INTS6: variants seen among roughly 807,000 people sequenced by gnomAD.
INTS6 encodes integrator complex subunit 6, also known as DEAD box protein.
A neutral mutation model predicts 104.9 loss-of-function variants in INTS6; 16 were observed. The ratio of observed to expected loss-of-function variants is 0.15; its 90% CI spans 0.10 to 0.23. The LOEUF (loss-of-function observed/expected upper bound fraction) is 0.23. INTS6 is among the 10% of genes least tolerant of loss of function. INTS6 has a pLI of 1.00. For synonymous variants in INTS6, 324 were observed against 358.7 expected, an observed-to-expected ratio of 0.90 and a Z score of 1.09; for missense variants, 584 against 1,062.8, an observed-to-expected ratio of 0.55 and a Z score of 6.26.
intron 3 of INTS6, chr13:51,438,854 T>C (rs1164106614): frequency 6.6e-6 from 1 of 152,238 alleles, no homozygotes; most frequent in African/African-American, 2.4e-5. Context: ...CCAAAAGCAC[T>C]GTACCTTGTC....
At chr13:51,376,883 A>T (rs1299887985) in intron 12 of INTS6, among the ~76,000 whole-genome samples, 2 of 152,150 alleles carry the variant, frequency 1.3e-5, no homozygotes, top group Admixed American at 6.5e-5. Flanking sequence ...TTGGACTGTT[A>T]CAAGTTTTTG....
rs200147250 is a variant in INTS6 at position 51,365,744 on chromosome 13, A to G, written c.*8T>C. ...ATAGTGAAATAAGTGGCCACATTCT[A>G]TTTTCTTTTAATTGCTATTAATATG... On this transcript the variant is annotated 3_prime_UTR_variant, in exon 18 of 18. Coordinates refer to ENST00000311234, the MANE Select transcript of INTS6 (RefSeq NM_012141.3). 4.8e-6 allele frequency: 7 copies of G among 1,455,192 alleles called. No individual in the cohort carries two copies. The highest frequency in any genetic ancestry group is 2.5e-5 in the South Asian group (2 of 80,880). The allele number at this position is 1,455,192 out of a possible 1,614,324, so 90.1% of individuals were successfully genotyped here. A position where few individuals can be genotyped will look rare whatever the true frequency, so the allele number is the denominator to read the frequency against.
At chr13:51,370,026 C>A (rs1390783205) in intron 15 of INTS6, among the ~76,000 whole-genome samples, 4 of 152,158 alleles carry the variant, frequency 2.6e-5, no homozygotes, top group Admixed American at 2.6e-4. Context: ...CAGCTGAATT[C>A]ATCTCTACTG....
At chr13:51,346,657 C>T in the INTS6 span, among the ~76,000 whole-genome samples, 6 of 152,216 alleles carry the variant, frequency 3.9e-5, no homozygotes, top group African/African-American at 1.2e-4. Flanking sequence ...CCCTCATCCC[C>T]CAGCAGGGGT....
intron 4 of INTS6, chr13:51,420,977 A>G: frequency 6.9e-6 from 2 of 291,136 alleles, no homozygotes; most frequent in Non-Finnish European, 1.0e-5. Context: ...AATCATCATC[A>G]ACCAATTTAT....
the INTS6 span, chr13:51,348,407 C>T: frequency 2.5e-6 from 4 of 1,612,774 alleles, no homozygotes; most frequent in Non-Finnish European, 3.4e-6. Flanking sequence ...TGTGTTCCTG[C>T]CCAGGTGAGC....
intron 10 of INTS6, among the ~76,000 whole-genome samples, chr13:51,380,462 C>T (rs1956024225): frequency 6.6e-6 from 1 of 152,152 alleles, no homozygotes; most frequent in Non-Finnish European, 1.5e-5. Flanking sequence ...GCTAAATCTT[C>T]AGGGTTGCTA....
chr13:51,358,074 A>G (rs940655762), downstream of INTS6, among the ~76,000 whole-genome samples: 3 of 151,950 alleles, frequency 2.0e-5, no homozygotes, highest in East Asian at 5.8e-4. Flanking sequence ...AAATGGAGAA[A>G]GCAACTAACC....
chr13:51,443,147 T>C (rs1268032424), intron 3 of INTS6: 1 of 152,218 alleles, frequency 6.6e-6, no homozygotes, highest in Non-Finnish European at 1.5e-5. Flanking sequence ...TCTCCATAAC[T>C]GTTCTATCAC....
At chr13:51,408,173 C>T (rs1431587276) in intron 4 of INTS6, among the ~76,000 whole-genome samples, 6 of 139,976 alleles carry the variant, frequency 4.3e-5, no homozygotes, top group Non-Finnish European at 7.7e-5. Context: ...AATGGAGTTT[C>T]GCTCTTGTTG....
intron 8 of INTS6, 60 bp from the exon 9 acceptor site, chr13:51,383,521 G>A: frequency 1.2e-6 from 2 of 1,604,024 alleles, no homozygotes; most frequent in Non-Finnish European, 1.7e-6. Context: ...ATAAACCATT[G>A]ATTCAATTCA....
intron 4 of INTS6, among the ~76,000 whole-genome samples, chr13:51,398,405 T>C (rs1260747648): frequency 6.6e-6 from 1 of 152,022 alleles, no homozygotes; most frequent in Non-Finnish European, 1.5e-5. Flanking sequence ...AAATGGGCAA[T>C]AGATAAGGAT....
At chr13:51,355,781 C>T (rs992978227) in intron 3 of INTS6, among the ~76,000 whole-genome samples, 1 of 151,974 alleles carries the variant, frequency 6.6e-6, no homozygotes, top group African/African-American at 2.4e-5. Context: ...AATGCCAGAA[C>T]CTATGTTCTA....
At chr13:51,355,171 C>T in intron 3 of INTS6, 1 of 1,157,956 alleles carries the variant, frequency 8.6e-7, no homozygotes, top group Non-Finnish European at 1.3e-6. Flanking sequence ...TCCAAACGTT[C>T]TAGCCGTGTA....
At chr13:51,384,638 T>G (rs765781932) in intron 7 of INTS6, 2 of 456,656 alleles carry the variant, frequency 4.4e-6, no homozygotes, top group South Asian at 3.1e-5. Context: ...CTACAAAACC[T>G]GTTCTAAAAA....
At chr13:51,417,237 G>C (rs1956803623) in intron 4 of INTS6, among the ~76,000 whole-genome samples, 1 of 152,064 alleles carries the variant, frequency 6.6e-6, no homozygotes, top group South Asian at 2.1e-4. Flanking sequence ...AATTTGTCTA[G>C]TTGTTCTTTG....
downstream of INTS6, among the ~76,000 whole-genome samples, chr13:51,353,486 G>C (rs896639143): frequency 8.5e-5 from 13 of 152,300 alleles, no homozygotes; most frequent in South Asian, 4.1e-4. Context: ...CGGAGGTAAA[G>C]TAACTAGTTT....
At chr13:51,371,628 G>C (rs1955806166) in intron 15 of INTS6, among the ~76,000 whole-genome samples, 1 of 152,018 alleles carries the variant, frequency 6.6e-6, no homozygotes, top group Non-Finnish European at 1.5e-5. Flanking sequence ...CAGCTCTACA[G>C]AGTGGTCACA....
At chr13:51,345,900 G>C in the INTS6 span, among the ~76,000 whole-genome samples, 1 of 152,236 alleles carries the variant, frequency 6.6e-6, no homozygotes, top group African/African-American at 2.4e-5. Flanking sequence ...ACAGAGTCCA[G>C]AGCCAGGCTG....
Sources: allele counts gnomAD v4.1 joint callset (sites outside exome capture counted in the v4.1 genomes callset), GRCh38; gene constraint gnomAD v4.1.1; transcripts MANE v1.5; gene names NCBI Gene and HGNC (gene_info 2026-07-23, HGNC 2026-07-21).